SLC39A11: variants seen among roughly 807,000 people sequenced by gnomAD.
The protein encoded by SLC39A11 is solute carrier family 39 member 11.
A neutral mutation model predicts 36.1 loss-of-function variants in SLC39A11; 33 were observed. The ratio of observed to expected loss-of-function variants is 0.91; its 90% confidence interval spans 0.69 to 1.22. The LOEUF is 1.22. SLC39A11 is among the 50% of genes most tolerant of loss of function. The pLI is 0.00. For missense variants in SLC39A11, 432 were observed against 430.3 expected (o/e 1.00, Z -0.03); for synonymous variants, 166 against 170.3 (o/e 0.97, Z 0.20).
intron 5 of SLC39A11, among the ~76,000 whole-genome samples, chr17:72,875,801 G>A (rs901371691): frequency 6.6e-6 from 1 of 152,108 alleles, no homozygotes; most frequent in East Asian, 1.9e-4. Context: ...TTCCAAAGGC[G>A]AGGCTCAGTC....
chr17:72,770,235 C>A (rs141437237), intron 6 of SLC39A11, among the ~76,000 whole-genome samples: 308 of 152,312 alleles, frequency 2.0e-3, no homozygotes, highest in African/African-American at 7.0e-3. Context: ...CAAATACTGT[C>A]TGATCCACTT....
chr17:72,793,628 C>T (rs890013096), intron 6 of SLC39A11, among the ~76,000 whole-genome samples: 2 of 152,104 alleles, frequency 1.3e-5, no homozygotes, highest in Non-Finnish European at 2.9e-5. Context: ...TGGGGTCTCG[C>T]TATGTTACCC....
intron 6 of SLC39A11, among the ~76,000 whole-genome samples, chr17:72,773,543 A>G (rs915292990): frequency 6.6e-6 from 1 of 151,976 alleles, no homozygotes; most frequent in Admixed American, 6.6e-5. Context: ...AGCCACATGG[A>G]ATTGTGAGTC....
intron 6 of SLC39A11, among the ~76,000 whole-genome samples, chr17:72,807,979 T>G (rs1291304192): frequency 6.6e-6 from 1 of 151,912 alleles, no homozygotes; most frequent in Non-Finnish European, 1.5e-5. Flanking sequence ...GTGGATACTG[T>G]CAGAATTGAG....
chr17:73,034,458 G>A (rs1192556356), intron 3 of SLC39A11, among the ~76,000 whole-genome samples: 2 of 152,210 alleles, frequency 1.3e-5, no homozygotes, highest in Non-Finnish European at 2.9e-5. Flanking sequence ...CTGACCTCAA[G>A]TGATCTGCCT....
At chr17:72,735,294 T>C (rs2713991) in intron 7 of SLC39A11, among the ~76,000 whole-genome samples, 107,225 of 152,008 alleles carry the variant, frequency 0.71, 38,411 homozygotes, top group Non-Finnish European at 0.74. Context: ...AGGGGCTCCA[T>C]TTCAGCTGGG....
At chr17:72,884,175 G>GAA (rs962704913) in intron 5 of SLC39A11, among the ~76,000 whole-genome samples, 6 of 152,072 alleles carry the variant, frequency 3.9e-5, no homozygotes, top group Non-Finnish European at 8.8e-5. Flanking sequence ...AAGAAAGAAA[G>GAA]AAAGAAACCT....
rs369358114 is a variant in SLC39A11, at chr17:72,752,330, C to T, written c.602-15611G>A. ...CGTGATCTTGGCTTACTGCAGCCTCCGCCTCCCGGGTTCCAGCAATTCTCC... is the reference window on the plus strand; with the variant it reads ...CGTGATCTTGGCTTACTGCAGCCTCTGCCTCCCGGGTTCCAGCAATTCTCC... On this transcript the variant is annotated intron_variant, in intron 6 of 9. Transcript: ENST00000255559. Among the ~76,000 whole-genome samples, 18 of 151,996 alleles carry T rather than the reference C, an allele frequency of 1.2e-4. No homozygotes were observed. In the East Asian group the frequency reaches 1.9e-3, roughly 16 times the overall value.
intron 5 of SLC39A11, among the ~76,000 whole-genome samples, chr17:72,934,509 T>C (rs773940646): frequency 6.6e-6 from 1 of 151,938 alleles, no homozygotes; most frequent in Non-Finnish European, 1.5e-5. Flanking sequence ...CTACTAGAAA[T>C]ACAAAAATTA....
At chr17:73,004,026 C>T (rs1299381720) in intron 4 of SLC39A11, among the ~76,000 whole-genome samples, 2 of 150,848 alleles carry the variant, frequency 1.3e-5, no homozygotes, top group African/African-American at 4.9e-5. Flanking sequence ...GCAGAGGTTG[C>T]AGTAAGCCAA....
intron 4 of SLC39A11, among the ~76,000 whole-genome samples, chr17:72,997,253 A>G (rs1395918041): frequency 6.6e-6 from 1 of 152,140 alleles, no homozygotes; most frequent in Non-Finnish European, 1.5e-5. Flanking sequence ...TAACGTACAG[A>G]GTAGCTCCCT....
intron 3 of SLC39A11, among the ~76,000 whole-genome samples, chr17:73,063,158 C>A (rs2059898656): frequency 6.6e-6 from 1 of 152,180 alleles, no homozygotes; most frequent in African/African-American, 2.4e-5. Flanking sequence ...CTAGCATTGT[C>A]TCTATCACCC....
intron 7 of SLC39A11, among the ~76,000 whole-genome samples, chr17:72,726,309 A>G (rs1272527258): frequency 6.6e-6 from 1 of 152,218 alleles, no homozygotes; most frequent in Non-Finnish European, 1.5e-5. Context: ...CCTCCCCGCC[A>G]CAACAATGAA....
chr17:72,753,830 C>T (rs973472960), intron 6 of SLC39A11, among the ~76,000 whole-genome samples: 1 of 138,490 alleles, frequency 7.2e-6, no homozygotes, highest in Non-Finnish European at 1.5e-5. Flanking sequence ...ATAAGTAGAA[C>T]TACCACTGGA....
At chr17:72,743,143 G>A (rs939534448) in intron 6 of SLC39A11, among the ~76,000 whole-genome samples, 3 of 152,200 alleles carry the variant, frequency 2.0e-5, no homozygotes, top group African/African-American at 7.2e-5. Context: ...TTGGGGAAGG[G>A]AGCACCCAGT....
At chr17:72,875,956 A>G (rs989818225) in intron 5 of SLC39A11, among the ~76,000 whole-genome samples, 13 of 152,320 alleles carry the variant, frequency 8.5e-5, no homozygotes, top group African/African-American at 2.9e-4. Context: ...CAATGACCCA[A>G]TGACCCAAAA....
chr17:72,938,966 CT>C (rs980488269), intron 5 of SLC39A11, among the ~76,000 whole-genome samples: 33 of 152,290 alleles, frequency 2.2e-4, no homozygotes, highest in Non-Finnish European at 4.0e-4. Context: ...ATTAAGTGGA[CT>C]TTTATTACTG....
At chr17:73,053,169 G>A (rs1009786639) in intron 3 of SLC39A11, among the ~76,000 whole-genome samples, 1 of 151,936 alleles carries the variant, frequency 6.6e-6, no homozygotes, top group African/African-American at 2.4e-5. Context: ...CTGGGCAACA[G>A]AGCGCGACCC....
chr17:72,975,938 A>G (rs1303718579), intron 4 of SLC39A11, among the ~76,000 whole-genome samples: 1 of 152,106 alleles, frequency 6.6e-6, no homozygotes, highest in Non-Finnish European at 1.5e-5. Flanking sequence ...TGGGAGGCTG[A>G]GGCGGGTGGA....
Sources: gnomAD v4.1 joint callset for allele counts (sites outside exome capture counted in the v4.1 genomes callset) on GRCh38, gnomAD v4.1.1 for gene constraint, MANE v1.5 for transcripts, NCBI Gene and HGNC (gene_info 2026-07-23, HGNC 2026-07-21) for gene names.